Variants in SRGAP3 observed in about 807,000 individuals in gnomAD.
SRGAP3 encodes the protein SLIT-ROBO Rho GTPase activating protein 3, also known as SLIT-ROBO Rho GTPase-activating protein 3.
A neutral mutation model predicts 121.1 loss-of-function variants in SRGAP3; 39 were observed. That is an observed-to-expected ratio of 0.32 (90% CI 0.25 to 0.42). The LOEUF (loss-of-function observed/expected upper bound fraction) is 0.42. Ranked by LOEUF, SRGAP3 falls within the 10% of genes least tolerant of loss-of-function variation. The probability of loss-of-function intolerance (pLI) is 1.00; values close to 1 mark genes in which losing one functional copy is unlikely to be tolerated. For missense variants in SRGAP3, 1,213 were observed against 1,470.6 expected (o/e 0.82, Z 2.86); for synonymous variants, 601 against 570.0 (o/e 1.05, Z -0.77).
At chr3:9,130,884 C>T (rs773134945) in intron 1 of SRGAP3, among the ~76,000 whole-genome samples, 5 of 152,220 alleles carry the variant, frequency 3.3e-5, no homozygotes, top group Non-Finnish European at 7.3e-5. Context: ...TGACAGCAGA[C>T]GATTTGGAAA....
chr3:9,317,352 C>T (rs1378041730), intron 3 of SRGAP3, among the ~76,000 whole-genome samples: 2 of 152,178 alleles, frequency 1.3e-5, no homozygotes, highest in Non-Finnish European at 2.9e-5. Flanking sequence ...TGAAGTTCAC[C>T]GGCTCCATGA....
intron 1 of SRGAP3, among the ~76,000 whole-genome samples, chr3:9,136,014 CA>C (rs1487982375): frequency 2.0e-5 from 3 of 152,242 alleles, no homozygotes; most frequent in African/African-American, 4.8e-5. Flanking sequence ...GGACCGTGAG[CA>C]CCAGGCACGC....
At chr3:9,178,839 C>T (rs543079144) in intron 1 of SRGAP3, among the ~76,000 whole-genome samples, 3 of 152,294 alleles carry the variant, frequency 2.0e-5, no homozygotes, top group Non-Finnish European at 4.4e-5. Context: ...GCCCTAGACC[C>T]GGAGATGTCT....
At chr3:9,121,662 G>A (rs1008922559) in intron 2 of SRGAP3, among the ~76,000 whole-genome samples, 2 of 152,184 alleles carry the variant, frequency 1.3e-5, no homozygotes. Context: ...ACCCATGAGG[G>A]GCTGGCCGAG....
intron 1 of SRGAP3, among the ~76,000 whole-genome samples, chr3:9,164,518 GACCTCAA>G (rs1950716541): frequency 6.6e-6 from 1 of 152,004 alleles, no homozygotes; most frequent in African/African-American, 2.4e-5. Context: ...TCGAACTCCT[GACCTCAA>G]GTGATCTACT....
chr3:9,322,881 C>A (rs1350615684), intron 3 of SRGAP3, among the ~76,000 whole-genome samples: 4 of 151,830 alleles, frequency 2.6e-5, no homozygotes, highest in Non-Finnish European at 5.9e-5. Context: ...AACACCTGTA[C>A]GTGAATGTTT....
At chr3:9,244,136 T>C (rs1181879475) in intron 1 of SRGAP3, among the ~76,000 whole-genome samples, 1 of 152,240 alleles carries the variant, frequency 6.6e-6, no homozygotes, top group Non-Finnish European at 1.5e-5. Context: ...CTGCATGATA[T>C]ACGCTCTAAG....
chr3:9,064,341 G>A (rs1946319230), intron 5 of SRGAP3, 55 bp downstream of exon 5: 1 of 1,610,742 alleles, frequency 6.2e-7, no homozygotes, highest in African/African-American at 1.3e-5. Context: ...CAAGACCATG[G>A]CCCTCCCCTT....
At chr3:9,277,665 A>T (rs572964710) in intron 3 of SRGAP3, among the ~76,000 whole-genome samples, 40 of 151,072 alleles carry the variant, frequency 2.6e-4, no homozygotes, top group African/African-American at 7.8e-4. Context: ...CTGTAATCCC[A>T]GCTACTTGAA....
At chr3:9,033,393 G>T (rs1944588309) in intron 11 of SRGAP3, 1 of 151,936 alleles carries the variant, frequency 6.6e-6, no homozygotes, top group Non-Finnish European at 1.5e-5. Flanking sequence ...CTGCTCTTTA[G>T]TCAAGTACAC....
chr3:9,159,633 C>G (rs1950541025), intron 1 of SRGAP3, among the ~76,000 whole-genome samples: 1 of 146,354 alleles, frequency 6.8e-6, no homozygotes, highest in Non-Finnish European at 1.6e-5. Flanking sequence ...TATAACAAAC[C>G]TGCACGTATA....
At position 9,058,492 on chromosome 3, in the gene SRGAP3, G is replaced by A. The variant is rs373808665; in HGVS notation, c.802-20C>T. ...ACAGCACTTGGGGAGAGGCAACAAC[G>A]GAAGGTTATGGGTGACAGCCAGGAT... On this transcript the variant is annotated intron_variant, in intron 6 of 21. Transcript: ENST00000383836. The A allele has an allele frequency of 1.1e-5, 17 of 1,611,652 alleles. No homozygotes were observed. Among genetic ancestry groups the A allele is most frequent in the South Asian group, 7.7e-5 (7 of 90,996 alleles).
chr3:9,130,247 G>T (rs753077674), intron 1 of SRGAP3, among the ~76,000 whole-genome samples: 34 of 152,060 alleles, frequency 2.2e-4, no homozygotes, highest in Non-Finnish European at 4.7e-4. Context: ...ATTCAACGTG[G>T]ATGTATAATA....
chr3:9,136,269 G>C (rs1018729787), intron 1 of SRGAP3, among the ~76,000 whole-genome samples: 1 of 152,210 alleles, frequency 6.6e-6, no homozygotes, highest in Non-Finnish European at 1.5e-5. Context: ...TGTACACCGA[G>C]AGGCGGCTTC....
Position 9,038,174 on chromosome 3 carries a change from C to T in SRGAP3, c.1409-84G>A, listed in dbSNP as rs1944854282. 4 of 1,539,734 alleles carry T rather than the reference C, an allele frequency of 2.6e-6. No homozygotes were observed. In the Admixed American group the frequency reaches 5.1e-5, roughly 20 times the overall value. On this transcript the variant is annotated intron_variant, in intron 10 of 21. Coordinates refer to ENST00000383836, the MANE Select transcript of SRGAP3 (RefSeq NM_014850.4). ...TTCATCTTTTTCTAAAAACAAAATA[C>T]AATGAGTCTTAATTATTTATGAAAT...
At chr3:9,091,582 A>G (rs1338234812) in intron 3 of SRGAP3, among the ~76,000 whole-genome samples, 2 of 152,132 alleles carry the variant, frequency 1.3e-5, no homozygotes, top group African/African-American at 2.4e-5. Flanking sequence ...TTCCAAAACA[A>G]AGGCTTAAAA....
intron 1 of SRGAP3, among the ~76,000 whole-genome samples, chr3:9,147,468 C>T (rs1950065263): frequency 6.6e-6 from 1 of 152,080 alleles, no homozygotes; most frequent in Non-Finnish European, 1.5e-5. Flanking sequence ...ATGAACTCGG[C>T]TGTCAGGTGC....
chr3:9,177,222 C>T (rs1211439570), intron 1 of SRGAP3, among the ~76,000 whole-genome samples: 4 of 152,200 alleles, frequency 2.6e-5, no homozygotes, highest in African/African-American at 9.6e-5. Context: ...AAGCCAGGTC[C>T]CTCCTGTTAC....
At chr3:9,014,312 T>A (rs1943527501) in intron 15 of SRGAP3, 2 of 206,602 alleles carry the variant, frequency 9.7e-6, no homozygotes, top group South Asian at 1.9e-4. Flanking sequence ...TTAAGCTGGG[T>A]TTCTGTTACT....
Sources: allele counts gnomAD v4.1 joint callset (sites outside exome capture counted in the v4.1 genomes callset), GRCh38; gene constraint gnomAD v4.1.1; transcripts MANE v1.5; gene names NCBI Gene and HGNC (gene_info 2026-07-23, HGNC 2026-07-21).